Variants in CTNNA3 observed in about 807,000 individuals in gnomAD.
CTNNA3 encodes the protein catenin alpha-3.
A neutral mutation model predicts 95.7 loss-of-function variants in CTNNA3; 76 were observed. The ratio of observed to expected loss-of-function variants is 0.79; its 90% CI spans 0.66 to 0.96. The LOEUF (loss-of-function observed/expected upper bound fraction) is 0.96, where lower values mean the gene tolerates loss of function less well. CTNNA3 is among the 40% of genes least tolerant of loss of function. The pLI is 0.00. For synonymous variants in CTNNA3, 431 were observed against 374.4 expected (o/e 1.15, Z -1.74); for missense variants, 1,191 against 1,089.8 (o/e 1.09, Z -1.31).
intron 11 of CTNNA3, among the ~76,000 whole-genome samples, chr10:66,451,074 A>ACACACTTAAAGACT (rs2093460696): frequency 6.6e-6 from 1 of 152,118 alleles, no homozygotes; most frequent in African/African-American, 2.4e-5. Flanking sequence ...ACACATACAC[A>ACACACTTAAAGACT]CACATACACT....
At chr10:67,359,310 T>C (rs1842920431) in intron 5 of CTNNA3, among the ~76,000 whole-genome samples, 1 of 150,738 alleles carries the variant, frequency 6.6e-6, no homozygotes, top group Non-Finnish European at 1.5e-5. Flanking sequence ...GTACAATGAC[T>C]CTGGTAATTA....
At chr10:67,050,757 G>A (rs1197786193) in intron 7 of CTNNA3, among the ~76,000 whole-genome samples, 2 of 152,280 alleles carry the variant, frequency 1.3e-5, no homozygotes, top group Middle Eastern at 3.4e-3. Context: ...TATTTACTTC[G>A]ATTTGTAGCT....
At chr10:66,484,498 T>C (rs1464178297) in intron 11 of CTNNA3, among the ~76,000 whole-genome samples, 1 of 151,984 alleles carries the variant, frequency 6.6e-6, no homozygotes, top group Non-Finnish European at 1.5e-5. Context: ...TGCATGGACA[T>C]AGTGTAGTCC....
At chr10:66,597,558 A>G (rs974983072) in intron 10 of CTNNA3, among the ~76,000 whole-genome samples, 1 of 134,566 alleles carries the variant, frequency 7.4e-6, no homozygotes, top group Middle Eastern at 3.5e-3. Flanking sequence ...ATATATATTT[A>G]TTAAAAATTT....
intron 6 of CTNNA3, among the ~76,000 whole-genome samples, chr10:67,193,768 C>A (rs1268965858): frequency 6.6e-6 from 1 of 150,402 alleles, no homozygotes; most frequent in Non-Finnish European, 1.5e-5. Flanking sequence ...GATTCTATGT[C>A]TTTGCTATTG....
rs535233523 is a variant in CTNNA3 at position 66,446,130 on chromosome 10, G to T, written c.1532-66778C>A. Among the ~76,000 whole-genome samples the T allele has an allele frequency of 2.6e-5, 4 of 152,274 alleles. No homozygotes were observed. In the South Asian group the frequency reaches 8.3e-4, roughly 32 times the overall value. ...CCTCCCAAGACTAAACCAGGAAAAA[G>T]TTGAATCTCTGAATAGACTAATAAC... On this transcript the variant is annotated intron_variant, in intron 11 of 17. Coordinates refer to ENST00000433211, the MANE Select transcript of CTNNA3 (RefSeq NM_013266.4).
intron 1 of CTNNA3, among the ~76,000 whole-genome samples, chr10:67,665,344 G>A (rs1840306391): frequency 6.6e-6 from 1 of 152,128 alleles, no homozygotes; most frequent in East Asian, 1.9e-4. Flanking sequence ...ATAGTCTAGA[G>A]TTTAGTGTTA....
intron 11 of CTNNA3, among the ~76,000 whole-genome samples, chr10:66,403,794 T>A (rs759903854): frequency 5.9e-5 from 9 of 152,210 alleles, no homozygotes; most frequent in Non-Finnish European, 1.0e-4. Flanking sequence ...CTTGACTCCA[T>A]CTTGCTTCTG....
chr10:66,400,011 G>C (rs1026834555), intron 11 of CTNNA3, among the ~76,000 whole-genome samples: 2 of 151,826 alleles, frequency 1.3e-5, no homozygotes, highest in African/African-American at 2.4e-5. Flanking sequence ...AAAAAATTAA[G>C]ATCCTAAAGG....
At chr10:66,282,278 ACTCT>A (rs2091506345) in intron 12 of CTNNA3, among the ~76,000 whole-genome samples, 1 of 151,736 alleles carries the variant, frequency 6.6e-6, no homozygotes, top group African/African-American at 2.4e-5. Flanking sequence ...TATGGATGTG[ACTCT>A]CAAAGTATAT....
rs147089369 is a variant in CTNNA3, at chr10:66,811,178, G to A, written c.1048-35654C>T. 4.5e-3 allele frequency among the ~76,000 whole-genome samples: 692 copies of A among 152,272 alleles called. 5 individuals carry two copies. The highest frequency in any genetic ancestry group is 0.016 in the African/African-American group (655 of 41,576). On this transcript the variant is annotated intron_variant, in intron 7 of 17. Coordinates refer to ENST00000433211, the MANE Select transcript of CTNNA3 (RefSeq NM_013266.4). ...CAGGATGTGCATTTTAAAAGAAACA[G>A]TGAAAAATTAGAATGATTCTAGATA... is the stretch of plus-strand genomic sequence containing the variant.
intron 7 of CTNNA3, among the ~76,000 whole-genome samples, chr10:66,861,748 G>T (rs1843936945): frequency 6.6e-6 from 1 of 152,090 alleles, no homozygotes; most frequent in South Asian, 2.1e-4. Flanking sequence ...TCACTTTTCA[G>T]ACAATTATTC....
upstream of CTNNA3, among the ~76,000 whole-genome samples, chr10:67,697,608 A>C (rs1056803269): frequency 1.3e-5 from 2 of 152,216 alleles, no homozygotes; most frequent in East Asian, 3.8e-4. Flanking sequence ...AATTAAATGG[A>C]TAAAAGCTGA....
At chr10:66,693,023 C>G (rs1346147642) in intron 9 of CTNNA3, among the ~76,000 whole-genome samples, 1 of 152,120 alleles carries the variant, frequency 6.6e-6, no homozygotes, top group African/African-American at 2.4e-5. Context: ...AAATTTTAAA[C>G]ACCATCGAGG....
At chr10:67,384,387 T>TA (rs1484506537) in intron 5 of CTNNA3, among the ~76,000 whole-genome samples, 2 of 152,220 alleles carry the variant, frequency 1.3e-5, no homozygotes, top group African/African-American at 4.8e-5. Context: ...AAACCTCTTT[T>TA]AAAAATATGT....
In CTNNA3 at chr10:65,937,116, G is replaced by T. The variant is rs114185654; in HGVS notation, c.2401-16499C>A. The stretch of plus-strand genomic sequence containing the variant: ...TCATAGTCACCACAATGTATTTATT[G>T]TATCTCCTAAAGCTCTTAAATGTAA... On this transcript the variant is annotated intron_variant, in intron 17 of 17. Coordinates refer to ENST00000433211, the MANE Select transcript of CTNNA3 (RefSeq NM_013266.4). 9.9e-3 allele frequency among the ~76,000 whole-genome samples: 1,503 copies of T among 152,026 alleles called. 32 individuals carry two copies. Among genetic ancestry groups the T allele is most frequent in the African/African-American group, 0.034 (1,401 of 41,496 alleles).
chr10:66,552,349 T>C (rs1490367749), intron 10 of CTNNA3, among the ~76,000 whole-genome samples: 2 of 152,168 alleles, frequency 1.3e-5, no homozygotes, highest in Non-Finnish European at 2.9e-5. Context: ...TACCACCATC[T>C]ATATGATGCT....
At chr10:66,830,661 G>C (rs1336685767) in intron 7 of CTNNA3, among the ~76,000 whole-genome samples, 2 of 151,804 alleles carry the variant, frequency 1.3e-5, no homozygotes, top group African/African-American at 2.4e-5. Flanking sequence ...CCAGGCTGGA[G>C]TGCAGTGGTG....
chr10:67,434,375 A>G (rs897087706), intron 5 of CTNNA3, among the ~76,000 whole-genome samples: 4 of 152,036 alleles, frequency 2.6e-5, no homozygotes, highest in Non-Finnish European at 5.9e-5. Context: ...GAATACTAAT[A>G]ATGCCATCAA....
Sources: allele counts gnomAD v4.1 joint callset (sites outside exome capture counted in the v4.1 genomes callset), GRCh38; gene constraint gnomAD v4.1.1; transcripts MANE v1.5; gene names NCBI Gene and HGNC (gene_info 2026-07-23, HGNC 2026-07-21).